The following PKIB variants were observed in gnomAD, a reference collection of about 807,000 sequenced individuals.
PKIB encodes PKI-beta.
In PKIB, 2 loss-of-function variants were observed where a neutral mutation model predicts 4.5. That is an observed-to-expected ratio of 0.44 (90% confidence interval 0.18 to 1.39). The LOEUF (loss-of-function observed/expected upper bound fraction) is 1.39. PKIB is among the 40% of genes most tolerant of loss of function. The pLI, the probability that PKIB is intolerant of heterozygous loss-of-function variation, is 0.27. For synonymous variants in PKIB, 38 were observed against 36.0 expected, an observed-to-expected ratio of 1.06 and a Z score of -0.20; for missense variants, 94 against 92.6, an observed-to-expected ratio of 1.02 and a Z score of -0.06.
At chr6:122,484,864 GA>G (rs1775718424) in intron 2 of PKIB, among the ~76,000 whole-genome samples, 1 of 152,184 alleles carries the variant, frequency 6.6e-6, no homozygotes, top group Non-Finnish European at 1.5e-5. Flanking sequence ...TTGATAGGTA[GA>G]CAAGATTGAA....
chr6:122,682,541 G>A (rs1404354552), intron 3 of PKIB, among the ~76,000 whole-genome samples: 1 of 151,954 alleles, frequency 6.6e-6, no homozygotes, highest in Admixed American at 6.5e-5. Context: ...TTCAACTTGA[G>A]GGGTTATTTT....
At chr6:122,557,032 G>A (rs962806647) in intron 2 of PKIB, among the ~76,000 whole-genome samples, 3 of 152,122 alleles carry the variant, frequency 2.0e-5, no homozygotes, top group African/African-American at 7.2e-5. Context: ...TGGCCAACAT[G>A]GTAAAATCCT....
At chr6:122,559,323 T>C (rs1772949491) in intron 2 of PKIB, among the ~76,000 whole-genome samples, 1 of 151,890 alleles carries the variant, frequency 6.6e-6, no homozygotes, top group Non-Finnish European at 1.5e-5. Flanking sequence ...CCACTTTATG[T>C]TTTTGTCTGC....
At chr6:122,690,930 A>C (rs879875319) in intron 3 of PKIB, among the ~76,000 whole-genome samples, 28 of 131,118 alleles carry the variant, frequency 2.1e-4, no homozygotes, top group African/African-American at 7.5e-4. Context: ...ATATATATAT[A>C]TATTTTTTTT....
intron 2 of PKIB, among the ~76,000 whole-genome samples, chr6:122,519,975 T>C (rs1776885768): frequency 6.6e-6 from 1 of 152,204 alleles, no homozygotes; most frequent in Admixed American, 6.5e-5. Flanking sequence ...ATCATGTAGT[T>C]TCCCACCTTC....
intron 2 of PKIB, among the ~76,000 whole-genome samples, chr6:122,491,085 C>A (rs191571013): frequency 6.6e-6 from 1 of 152,062 alleles, no homozygotes; most frequent in Non-Finnish European, 1.5e-5. Context: ...AGCTTTACAG[C>A]GGGAAGAAAA....
At chr6:122,655,287 C>T (rs1776722454) in intron 2 of PKIB, among the ~76,000 whole-genome samples, 2 of 152,198 alleles carry the variant, frequency 1.3e-5, no homozygotes, top group Non-Finnish European at 1.5e-5. Context: ...CTCCTCTCCA[C>T]CTAAAAATGT....
intron 2 of PKIB, among the ~76,000 whole-genome samples, chr6:122,522,135 A>G (rs1776963481): frequency 7.6e-6 from 1 of 132,396 alleles, no homozygotes; most frequent in African/African-American, 2.6e-5. Flanking sequence ...AACAGCAAGT[A>G]ATAAGTCATT....
At chr6:122,636,318 G>T (rs1775915877) in intron 2 of PKIB, among the ~76,000 whole-genome samples, 1 of 151,852 alleles carries the variant, frequency 6.6e-6, no homozygotes, top group South Asian at 2.1e-4. Flanking sequence ...AATCCCAAGA[G>T]AATTAACTGA....
chr6:122,641,259 T>C (rs1776110334), intron 2 of PKIB, among the ~76,000 whole-genome samples: 1 of 152,224 alleles, frequency 6.6e-6, no homozygotes, highest in Non-Finnish European at 1.5e-5. Flanking sequence ...TATATAGTTC[T>C]AGCTCTGTTC....
chr6:122,497,454 C>T (rs919749644), intron 2 of PKIB, among the ~76,000 whole-genome samples: 1 of 152,162 alleles, frequency 6.6e-6, no homozygotes, highest in African/African-American at 2.4e-5. Context: ...AAGCAAGACC[C>T]ATTCATCTGC....
At chr6:122,655,818 T>C (rs903349912) in intron 2 of PKIB, among the ~76,000 whole-genome samples, 7 of 152,300 alleles carry the variant, frequency 4.6e-5, no homozygotes, top group Non-Finnish European at 8.8e-5. Flanking sequence ...TTATTGACTA[T>C]TATACTAGCC....
At chr6:122,526,844 C>A (rs1007910289) in intron 2 of PKIB, among the ~76,000 whole-genome samples, 1 of 152,080 alleles carries the variant, frequency 6.6e-6, no homozygotes, top group Admixed American at 6.6e-5. Flanking sequence ...AGAGAGTCAT[C>A]CTCATTGTAA....
intron 2 of PKIB, chr6:122,480,386 A>G (rs1775580361): frequency 6.6e-6 from 1 of 152,164 alleles, no homozygotes; most frequent in East Asian, 1.9e-4. Flanking sequence ...CACTTAGTAT[A>G]TCCAATAACG....
intron 2 of PKIB, among the ~76,000 whole-genome samples, chr6:122,651,358 C>T: frequency 6.6e-6 from 1 of 152,244 alleles, no homozygotes; most frequent in Admixed American, 6.5e-5. Flanking sequence ...TCTTTAGGGC[C>T]TGCTGGTACT....
intron 3 of PKIB, among the ~76,000 whole-genome samples, chr6:122,701,970 A>G (rs1417984395): frequency 6.6e-6 from 1 of 152,216 alleles, no homozygotes; most frequent in Admixed American, 6.5e-5. Flanking sequence ...AGTTACTATT[A>G]GTTACATTAG....
At chr6:122,514,209 A>G (rs2114586607) in intron 2 of PKIB, among the ~76,000 whole-genome samples, 1 of 152,304 alleles carries the variant, frequency 6.6e-6, no homozygotes, top group Non-Finnish European at 1.5e-5. Flanking sequence ...TTTGGCCATG[A>G]GTACACAGGG....
intron 2 of PKIB, among the ~76,000 whole-genome samples, chr6:122,669,671 C>T (rs1777375474): frequency 6.6e-6 from 1 of 152,018 alleles, no homozygotes; most frequent in South Asian, 2.1e-4. Flanking sequence ...TTTCAGCTCC[C>T]GCCTTGGCTG....
At chr6:122,542,883 G>T (rs1388798102) in intron 2 of PKIB, among the ~76,000 whole-genome samples, 1 of 152,100 alleles carries the variant, frequency 6.6e-6, no homozygotes, top group Non-Finnish European at 1.5e-5. Flanking sequence ...GAGCTTCCTG[G>T]CTGCTTTGTT....
Sources: allele counts gnomAD v4.1 joint callset (sites outside exome capture counted in the v4.1 genomes callset), GRCh38; gene constraint gnomAD v4.1.1; transcripts MANE v1.5; gene names NCBI Gene and HGNC (gene_info 2026-07-23, HGNC 2026-07-21).